GOT1: variants seen among roughly 807,000 people sequenced by gnomAD.
GOT1 encodes the protein aspartate aminotransferase, cytoplasmic.
A neutral mutation model predicts 48.2 loss-of-function variants in GOT1; 25 were observed. That is an observed-to-expected ratio of 0.52 (90% confidence interval 0.38 to 0.72). The LOEUF (loss-of-function observed/expected upper bound fraction) is 0.72. Ranked by LOEUF, GOT1 falls within the 30% of genes least tolerant of loss-of-function variation. The probability of loss-of-function intolerance (pLI) is 0.00; values close to 1 mark genes in which losing one functional copy is unlikely to be tolerated. For synonymous variants in GOT1, 188 were observed against 193.8 expected, an observed-to-expected ratio of 0.97 and a Z score of 0.25; for missense variants, 380 against 520.1, an observed-to-expected ratio of 0.73 and a Z score of 2.62.
At chr10:99,408,468 G>A (rs11816599) in intron 2 of GOT1, among the ~76,000 whole-genome samples, 3 of 152,226 alleles carry the variant, frequency 2.0e-5, no homozygotes, top group Admixed American at 6.5e-5. Flanking sequence ...TGTAATCCCA[G>A]CACTTTGGGA....
chr10:99,429,895 A>G (rs969302162), intron 1 of GOT1, among the ~76,000 whole-genome samples: 1 of 152,044 alleles, frequency 6.6e-6, no homozygotes, highest in Non-Finnish European at 1.5e-5. Context: ...GGCAGCATTA[A>G]CCTGTCTCAA....
Position 99,406,118 on chromosome 10 carries a change from T to C in GOT1, c.537+19A>G. 6.7e-7 allele frequency: 1 copy of C among 1,502,380 alleles called. No individual in the cohort carries two copies. The highest frequency in any genetic ancestry group is 9.3e-7 in the Non-Finnish European group (1 of 1,078,206). The allele number at this position is 1,502,380 out of a possible 1,614,324, so 93.1% of individuals were successfully genotyped here. A position where few individuals can be genotyped will look rare whatever the true frequency, so the allele number is the denominator to read the frequency against. Reference sequence around the variant, plus strand: ...CCTGACACCATGCAATTCTCTACTTTTTCCTCTAAATCACCCACCTCCAGA... The same window carrying C: ...CCTGACACCATGCAATTCTCTACTTCTTCCTCTAAATCACCCACCTCCAGA... On this transcript the variant is annotated intron_variant, in intron 4 of 8. Coordinates refer to ENST00000370508, the MANE Select transcript of GOT1 (RefSeq NM_002079.3).
Position 99,397,569 on chromosome 10 carries a change from T to G in GOT1, c.1220A>C (p.Glu407Ala). The G allele has an allele frequency of 1.9e-6, 3 of 1,614,112 alleles. No homozygotes were observed. The highest frequency in any genetic ancestry group is 2.5e-6 in the Non-Finnish European group (3 of 1,180,008). Residue 407 changes from glutamate (E) to alanine (A), a missense_variant, in exon 9 of 9, where the codon GAA becomes GCA. Physicochemically the swap from Glu to Ala is moderately radical, Grantham distance 107. Transcript: ENST00000370508. This position sits in a 1 kb window ranked among gnomAD's most constrained non-coding sequence, Gnocchi z 5.4. The part of the protein sequence containing the change: ...NLDYVATSIH[E>A]AVTKIQ ...TCTTCACTGGATTTTGGTGACTGCTTCATGGATGGAGGTGGCCACGTAATC... is the reference window on the plus strand; with the variant it reads ...TCTTCACTGGATTTTGGTGACTGCTGCATGGATGGAGGTGGCCACGTAATC...
chr10:99,425,350 T>G (rs757792472), intron 1 of GOT1, among the ~76,000 whole-genome samples: 27 of 152,228 alleles, frequency 1.8e-4, no homozygotes, highest in African/African-American at 3.9e-4. Context: ...GGAACTTCAG[T>G]TTCAATGGGT....
At chr10:99,408,923 G>A (rs1409709409) in intron 2 of GOT1, among the ~76,000 whole-genome samples, 2 of 151,972 alleles carry the variant, frequency 1.3e-5, no homozygotes, top group African/African-American at 2.4e-5. Context: ...TAGATGTCTG[G>A]GATTTACTAT....
intron 2 of GOT1, among the ~76,000 whole-genome samples, chr10:99,416,757 C>T (rs1375014130): frequency 6.6e-6 from 1 of 152,086 alleles, no homozygotes; most frequent in African/African-American, 2.4e-5. Flanking sequence ...CAGAACAGAG[C>T]CCTCAGAAAT....
chr10:99,407,824 G>A (rs2032781091), intron 2 of GOT1, among the ~76,000 whole-genome samples: 1 of 149,202 alleles, frequency 6.7e-6, no homozygotes, highest in South Asian at 2.2e-4. Flanking sequence ...TTTAAGTTCT[G>A]GGATATGTGT....
In GOT1 at chr10:99,409,035, C is replaced by T. The variant is rs557142273; in HGVS notation, c.301-2186G>A. Among the ~76,000 whole-genome samples, 14 of 152,138 alleles carry T rather than the reference C, an allele frequency of 9.2e-5. No homozygotes were observed. In the South Asian group the frequency reaches 2.7e-3, roughly 29 times the overall value. On this transcript the variant is annotated intron_variant, in intron 2 of 8. Coordinates refer to ENST00000370508, the MANE Select transcript of GOT1 (RefSeq NM_002079.3). ...GACCCTATACAGATAATTGTTGAAGCTAGGTGATGGATACACAGGGATTCA... is the reference window on the plus strand; with the variant it reads ...GACCCTATACAGATAATTGTTGAAGTTAGGTGATGGATACACAGGGATTCA...
chr10:99,403,923 C>A (rs199795176), intron 5 of GOT1, 49 bp from the exon 6 acceptor site: 1 of 1,588,414 alleles, frequency 6.3e-7, no homozygotes, highest in African/African-American at 1.3e-5. Flanking sequence ...CTGGCACCAA[C>A]CTCAGACACC....
intron 1 of GOT1, among the ~76,000 whole-genome samples, chr10:99,429,042 C>G (rs1240217040): frequency 6.6e-6 from 1 of 151,790 alleles, no homozygotes; most frequent in East Asian, 1.9e-4. Flanking sequence ...CCCCATACTC[C>G]TTAGTGAAGA....
In GOT1 at chr10:99,428,858, A is replaced by G. The variant is rs564173596; in HGVS notation, c.118+1590T>C. ...CTGCTAAAAACATCATTTTCCCTCA[A>G]TGGGCCAAACTATGTAGTACTGACT... On this transcript the variant is annotated intron_variant, in intron 1 of 8. Transcript: ENST00000370508. Among the ~76,000 whole-genome samples the G allele has an allele frequency of 4.0e-4, 61 of 152,314 alleles. 1 individual carries two copies. Among genetic ancestry groups the G allele is most frequent in the African/African-American group, 1.4e-3 (59 of 41,566 alleles).
At chr10:99,411,928 C>G (rs1431140514) in intron 2 of GOT1, among the ~76,000 whole-genome samples, 1 of 152,146 alleles carries the variant, frequency 6.6e-6, no homozygotes, top group Non-Finnish European at 1.5e-5. Context: ...ATAAAATTAT[C>G]CATTATAGTA....
rs183369001 is a variant in GOT1, at chr10:99,400,529, T to C, written c.1102+2051A>G. 1.3e-3 allele frequency among the ~76,000 whole-genome samples: 197 copies of C among 152,126 alleles called. 1 individual carries two copies. Among genetic ancestry groups the C allele is most frequent in the Admixed American group, 5.2e-3 (79 of 15,286 alleles). On this transcript the variant is annotated intron_variant, in intron 8 of 8. Transcript: ENST00000370508. ...GGTTCACGCCTGTGGTCCCAGCCAC[T>C]TGGACACTGAGGTGGAATGATCACC...
chr10:99,407,156 G>A (rs1032711529), intron 2 of GOT1, among the ~76,000 whole-genome samples: 2 of 149,622 alleles, frequency 1.3e-5, no homozygotes, highest in Admixed American at 1.4e-4. Flanking sequence ...TGAACACAGA[G>A]GTAGAGGACA....
At chr10:99,411,090 C>T (rs2032822768) in intron 2 of GOT1, among the ~76,000 whole-genome samples, 1 of 152,196 alleles carries the variant, frequency 6.6e-6, no homozygotes, top group South Asian at 2.1e-4. Context: ...CGGCATCTGG[C>T]ACATGGTACT....
At chr10:99,421,670 A>G (rs1033361149) in intron 1 of GOT1, among the ~76,000 whole-genome samples, 7 of 152,208 alleles carry the variant, frequency 4.6e-5, no homozygotes, top group African/African-American at 1.7e-4. Flanking sequence ...AGAGCTTTAC[A>G]GGGCAGTTAC....
Position 99,412,812 on chromosome 10 carries a change from C to T in GOT1, c.301-5963G>A, listed in dbSNP as rs566021573. On this transcript the variant is annotated intron_variant, in intron 2 of 8. Transcript: ENST00000370508. Reference sequence around the variant, plus strand: ...CCAATATTCCCCGTTCTGCAGCCTCCGCTGCTGATACCCAGGCAAACAAGG... The same window carrying T: ...CCAATATTCCCCGTTCTGCAGCCTCTGCTGCTGATACCCAGGCAAACAAGG... Among the ~76,000 whole-genome samples the T allele has an allele frequency of 1.3e-4, 20 of 152,292 alleles. No homozygotes were observed. The East Asian group carries it at 2.5e-3, about 19-fold the overall frequency.
At chr10:99,404,321 A>G (rs183486425) in intron 5 of GOT1, among the ~76,000 whole-genome samples, 1 of 152,270 alleles carries the variant, frequency 6.6e-6, no homozygotes, top group African/African-American at 2.4e-5. Flanking sequence ...AGCTCTCCAC[A>G]GGGAACCTGC....
intron 3 of GOT1, 54 bp from the exon 4 acceptor site, chr10:99,406,303 G>A: frequency 1.6e-6 from 2 of 1,286,110 alleles, no homozygotes; most frequent in East Asian, 4.6e-5. Flanking sequence ...GGAGGCATGA[G>A]TGGAAAGGAT....
Sources: allele counts gnomAD v4.1 joint callset (sites outside exome capture counted in the v4.1 genomes callset), GRCh38; gene constraint gnomAD v4.1.1; non-coding constraint Gnocchi (gnomAD v3.1); transcripts MANE v1.5; gene names NCBI Gene and HGNC (gene_info 2026-07-23, HGNC 2026-07-21).